ADGRG6: variants seen among roughly 807,000 people sequenced by gnomAD.
ADGRG6 encodes the protein G-protein coupled receptor 126.
A neutral mutation model predicts 142.4 loss-of-function variants in ADGRG6; 84 were observed. That is an observed-to-expected ratio of 0.59 (90% CI 0.49 to 0.71). The LOEUF (loss-of-function observed/expected upper bound fraction) is 0.71. ADGRG6 is among the 30% of genes least tolerant of loss of function. The probability of loss-of-function intolerance (pLI) is 0.00; values close to 1 mark genes in which losing one functional copy is unlikely to be tolerated. For synonymous variants in ADGRG6, 521 were observed against 520.5 expected, an observed-to-expected ratio of 1.00 and a Z score of -0.01; for missense variants, 1,367 against 1,466.6, an observed-to-expected ratio of 0.93 and a Z score of 1.11.
chr6:142,326,919 A>T (rs1418201), intron 2 of ADGRG6, among the ~76,000 whole-genome samples: 61,832 of 151,838 alleles, frequency 0.41, 14,686 homozygotes, highest in African/African-American at 0.67. Flanking sequence ...GAATCCTTTT[A>T]AGATTAATTG....
chr6:142,435,485 G>C (rs1777439236), intron 22 of ADGRG6, among the ~76,000 whole-genome samples: 1 of 151,414 alleles, frequency 6.6e-6, no homozygotes, highest in Non-Finnish European at 1.5e-5. Flanking sequence ...CTCTTAATTT[G>C]ACCGCTCAGT....
At chr6:142,357,478 A>G (rs752600411) in intron 2 of ADGRG6, among the ~76,000 whole-genome samples, 1 of 152,250 alleles carries the variant, frequency 6.6e-6, no homozygotes, top group Non-Finnish European at 1.5e-5. Context: ...TATTACTAAG[A>G]TGTTTACATA....
rs1775580493 is a variant in ADGRG6, at chr6:142,402,672, G to A, written c.1797G>A (p.Gln599=). 1.2e-6 allele frequency: 2 copies of A among 1,609,610 alleles called. No homozygotes were observed. Among genetic ancestry groups the A allele is most frequent in the Non-Finnish European group, 8.5e-7 (1 of 1,177,088 alleles). The change falls in exon 13 of 25, where the codon CAG becomes CAA. Residue 599 remains glutamine, a synonymous_variant. Transcript: ENST00000367609. The part of the protein sequence containing the change: ...NQILNLTADG[Q]NLTSANITNI... ...TTTTAAATTTAACTGCTGATGGGCA[G>A]AACTTAACCTCAGCCAATATTACCA... is the stretch of plus-strand genomic sequence containing the variant.
chr6:142,411,663 C>T (rs893669083), intron 18 of ADGRG6, among the ~76,000 whole-genome samples: 1 of 151,860 alleles, frequency 6.6e-6, no homozygotes, highest in African/African-American at 2.4e-5. Flanking sequence ...TAAATAATCC[C>T]AGAAACAAGA....
chr6:142,402,125 A>AT (rs1775555404), intron 12 of ADGRG6, 67 bp downstream of exon 12: 1 of 747,500 alleles, frequency 1.3e-6, no homozygotes, highest in Non-Finnish European at 2.3e-6. Flanking sequence ...CATGATTTTC[A>AT]TTGTCTTCGA....
rs1368611271 is a variant in ADGRG6, at chr6:142,415,071, A to G, written c.2644A>G (p.Thr882Ala). 1.2e-6 allele frequency: 2 copies of G among 1,611,640 alleles called. No individual in the cohort carries two copies. Among genetic ancestry groups the G allele is most frequent in the African/African-American group, 1.3e-5 (1 of 74,764 alleles). ...AATATCTGCTATTTTTTCAGCAGCA[A>G]CTCTCCTGACATATGTTGCTTTTGA... ...CGISAIFSAATLLTYVAFEKL... is the reference protein window; with the variant it reads ...CGISAIFSAAALLTYVAFEKL... Residue 882 changes from threonine (T) to alanine (A), a missense_variant, in exon 19 of 25, where the codon ACT (threonine) becomes GCT (alanine). Physicochemically the swap from Thr to Ala is moderately conservative, Grantham distance 58. Transcript: ENST00000367609.
At position 142,442,442 on chromosome 6, in the gene ADGRG6, ACTAT is replaced by A. The variant is rs370603047; in HGVS notation, c.3575-892_3575-889del. On this transcript the variant is annotated intron_variant, in intron 24 of 24. Transcript: ENST00000367609. ...ATAGAGCATAAGTGGGTTTCAGAAC[ACTAT>A]CTGAGCCAATTTTAGAAAGCTTTTG... is the stretch of plus-strand genomic sequence containing the variant. Among the ~76,000 whole-genome samples, 40 of 152,206 alleles carry A rather than the reference ACTAT, an allele frequency of 2.6e-4. No homozygotes were observed. The South Asian group carries it at 6.2e-3, about 24-fold the overall frequency.
At chr6:142,335,250 G>A (rs1779256812) in intron 2 of ADGRG6, among the ~76,000 whole-genome samples, 1 of 151,984 alleles carries the variant, frequency 6.6e-6, no homozygotes, top group African/African-American at 2.4e-5. Flanking sequence ...TTCTTTTGAT[G>A]GTTTTGTTGT....
intron 4 of ADGRG6, among the ~76,000 whole-genome samples, chr6:142,381,479 C>G (rs1781767598): frequency 6.6e-6 from 1 of 152,130 alleles, no homozygotes; most frequent in Non-Finnish European, 1.5e-5. Context: ...AATAAAAAGA[C>G]ACAGAGACTG....
At chr6:142,371,707 A>G (rs1781269182) in intron 4 of ADGRG6, among the ~76,000 whole-genome samples, 1 of 151,926 alleles carries the variant, frequency 6.6e-6, no homozygotes, top group South Asian at 2.1e-4. Context: ...GGATGGTCTC[A>G]ATCTCCTGAC....
At chr6:142,319,559 T>C (rs749854011) in intron 2 of ADGRG6, among the ~76,000 whole-genome samples, 15 of 152,144 alleles carry the variant, frequency 9.9e-5, no homozygotes, top group Non-Finnish European at 1.9e-4. Context: ...GAGCAACTAA[T>C]ATGACTTTTT....
intron 2 of ADGRG6, among the ~76,000 whole-genome samples, chr6:142,331,271 C>T (rs1304546674): frequency 2.0e-5 from 3 of 151,682 alleles, no homozygotes; most frequent in South Asian, 2.1e-4. Flanking sequence ...TTTTCACTGC[C>T]CCTCCCCTCT....
At chr6:142,417,038 G>C (rs1776397212) in intron 20 of ADGRG6, 2 of 529,870 alleles carry the variant, frequency 3.8e-6, no homozygotes, top group East Asian at 6.7e-5. Flanking sequence ...TTAAATATCT[G>C]TCATTTAAGA....
chr6:142,327,219 C>A (rs1269514302), intron 2 of ADGRG6, among the ~76,000 whole-genome samples: 2 of 150,710 alleles, frequency 1.3e-5, no homozygotes, highest in East Asian at 3.9e-4. Flanking sequence ...GGCAAATGAA[C>A]CATAGATTTA....
intron 11 of ADGRG6, 160 bp downstream of exon 11, chr6:142,400,756 CA>C (rs1408139245): frequency 1.8e-6 from 1 of 552,930 alleles, no homozygotes; most frequent in Non-Finnish European, 3.3e-6. Context: ...ATAAAGATAA[CA>C]TAAGTGGATG....
rs112786780 is a variant in ADGRG6 at position 142,348,291 on chromosome 6, A to G, written c.104-19278A>G. Among the ~76,000 whole-genome samples, 1,145 of 152,320 alleles carry G rather than the reference A, an allele frequency of 7.5e-3. 19 individuals carry two copies. Among genetic ancestry groups the G allele is most frequent in the African/African-American group, 0.026 (1,067 of 41,572 alleles). ...ACATCAAAGGGAATATGAAACTCCA[A>G]CTTTGATCAACTGAGCCTTCTTAAA... On this transcript the variant is annotated intron_variant, in intron 2 of 24. Coordinates refer to ENST00000367609, the MANE Select transcript of ADGRG6 (RefSeq NM_198569.3).
At chr6:142,345,949 C>G (rs1779878110) in intron 2 of ADGRG6, among the ~76,000 whole-genome samples, 1 of 152,180 alleles carries the variant, frequency 6.6e-6, no homozygotes, top group South Asian at 2.1e-4. Context: ...TAGTAGATGA[C>G]TTCGATTTGC....
chr6:142,367,491 C>T (rs931062076), intron 2 of ADGRG6, 78 bp from the exon 3 acceptor site: 30 of 884,024 alleles, frequency 3.4e-5, no homozygotes, highest in Non-Finnish European at 4.9e-5. Flanking sequence ...TGATTGTCGC[C>T]AGTGTGTGGT....
chr6:142,326,399 A>T (rs1778780756), intron 2 of ADGRG6, among the ~76,000 whole-genome samples: 1 of 152,122 alleles, frequency 6.6e-6, no homozygotes, highest in South Asian at 2.1e-4. Flanking sequence ...ACTCCCATAC[A>T]AAAAGAAATG....
Sources: gnomAD v4.1 joint callset for allele counts (sites outside exome capture counted in the v4.1 genomes callset) on GRCh38, gnomAD v4.1.1 for gene constraint, MANE v1.5 for transcripts, NCBI Gene and HGNC (gene_info 2026-07-23, HGNC 2026-07-21) for gene names.